The following ADIPOQ variants were observed in gnomAD, a reference collection of about 807,000 sequenced individuals.
ADIPOQ encodes adiponectin.
ADIPOQ carries 19 observed loss-of-function variants against 16.1 expected under a neutral mutation model. The observed-to-expected ratio is 1.18, with a 90% confidence interval of 0.82 to 1.73. ADIPOQ has a LOEUF of 1.73. Ranked by LOEUF, ADIPOQ falls within the 40% of genes most tolerant of loss-of-function variation. ADIPOQ has a pLI of 0.00. For synonymous variants in ADIPOQ, 124 were observed against 125.5 expected (o/e 0.99, Z 0.08); for missense variants, 323 against 308.3 (o/e 1.05, Z -0.36).
rs11377702 is a variant in ADIPOQ at position 186,855,459 on chromosome 3, C to CT, written c.*768dup. On this transcript the variant is annotated 3_prime_UTR_variant, in exon 3 of 3. Transcript: ENST00000320741. Reference sequence around the variant, plus strand: ...AGGAGCTTCTCTGATGTGATATCCACTTTTTTTTTTTTTGAGATGGAGTCT... The same window carrying CT: ...AGGAGCTTCTCTGATGTGATATCCACTTTTTTTTTTTTTTGAGATGGAGTCT... 0.95 allele frequency: 137,041 copies of CT among 144,584 alleles called. 65,252 individuals are homozygous for CT. The highest frequency in any genetic ancestry group is 1 in the South Asian group (4,496 of 4,512). The allele number at this position is 144,584 out of a possible 1,614,324, so 9.0% of individuals were successfully genotyped here. A position where few individuals can be genotyped will look rare whatever the true frequency, so the allele number is the denominator to read the frequency against.
chr3:186,848,293 GGAAGGAAGGAAA>G lies in ADIPOQ; in HGVS notation c.-8-4746_-8-4735del, dbSNP rs779360819. Among the ~76,000 whole-genome samples, 136 of 119,678 alleles carry G rather than the reference GGAAGGAAGGAAA, an allele frequency of 1.1e-3. 1 individual carries two copies. The highest frequency in any genetic ancestry group is 3.2e-3 in the South Asian group (11 of 3,450). The allele number at this position is 119,678 out of a possible 152,430, so 78.5% of individuals were successfully genotyped here. On this transcript the variant is annotated intron_variant, in intron 1 of 2. Coordinates refer to ENST00000320741, the MANE Select transcript of ADIPOQ (RefSeq NM_004797.4). ...AGGAAAGAAGGAAGGAAGGAAAGAAGGAAGGAAGGAAAGAAGGAAGGAAGGAAGGAAGGGTAA... is the reference window on the plus strand; with the variant it reads ...AGGAAAGAAGGAAGGAAGGAAAGAAGGAAGGAAGGAAGGAAGGAAGGGTAA...
chr3:186,853,183 G>A lies in ADIPOQ; in HGVS notation c.125G>A (p.Gly42Asp). The change falls in exon 2 of 3, where the codon GGC (glycine) becomes GAC (aspartate). Residue 42 changes from glycine (G) to aspartate (D), a missense_variant. Transcript: ENST00000320741. ...GGGGCCTGCACAGGTTGGATGGCGG[G>A]CATCCCAGGGCATCCGGGCCATAAT... ...PKGACTGWMA[G>D]IPGHPGHNGA... The A allele has an allele frequency of 6.2e-7, 1 of 1,614,022 alleles. No individual in the cohort carries two copies. The highest frequency in any genetic ancestry group is 8.5e-7 in the Non-Finnish European group (1 of 1,179,948).
intron 1 of ADIPOQ, among the ~76,000 whole-genome samples, chr3:186,851,403 G>T (rs36219760): frequency 1.3e-5 from 2 of 151,982 alleles, no homozygotes; most frequent in African/African-American, 4.8e-5. Flanking sequence ...AGCAATCTGA[G>T]GTGGAGGCCT....
chr3:186,850,952 A>G (rs1711745107), intron 1 of ADIPOQ, among the ~76,000 whole-genome samples: 1 of 152,032 alleles, frequency 6.6e-6, no homozygotes, highest in African/African-American at 2.4e-5. Context: ...TTTATCTCAT[A>G]TATATGATAA....
In ADIPOQ at chr3:186,857,760, T is replaced by C. The variant is rs200530239; in HGVS notation, c.*3056T>C. On this transcript the variant is annotated 3_prime_UTR_variant, in exon 3 of 3. Coordinates refer to ENST00000320741, the MANE Select transcript of ADIPOQ (RefSeq NM_004797.4). ...TATTTTAGCGCTCTATTATTAGATA[T>C]ATACATGTTTAGTATTATGTCTTAT... The C allele has an allele frequency of 2.1e-4, 32 of 152,350 alleles. No homozygotes were observed. Among genetic ancestry groups the C allele is most frequent in the African/African-American group, 6.0e-4 (25 of 41,592 alleles). The allele number at this position is 152,350 out of a possible 1,614,324, so 9.4% of individuals were successfully genotyped here. A position where few individuals can be genotyped will look rare whatever the true frequency, so the allele number is the denominator to read the frequency against.
intron 1 of ADIPOQ, among the ~76,000 whole-genome samples, chr3:186,845,111 G>T (rs897287341): frequency 7.3e-5 from 11 of 151,478 alleles, no homozygotes; most frequent in African/African-American, 2.4e-4. Context: ...TATGTGTGGG[G>T]GGGGGTGGTG....
In ADIPOQ at chr3:186,855,537, C is replaced by T. The variant is rs1470431924; in HGVS notation, c.*833C>T. 1 of 152,172 alleles carries T rather than the reference C, an allele frequency of 6.6e-6. No individual in the cohort carries two copies. The highest frequency in any genetic ancestry group is 1.9e-4 in the East Asian group (1 of 5,190). The allele number at this position is 152,172 out of a possible 1,614,324, so 9.4% of individuals were successfully genotyped here. The stretch of plus-strand genomic sequence containing the variant: ...TGACACGACCTCGGCTCACTGCAGC[C>T]TCCTTCTCCTGGGTCCAAGCAATTA... On this transcript the variant is annotated 3_prime_UTR_variant, in exon 3 of 3. Transcript: ENST00000320741.
intron 1 of ADIPOQ, among the ~76,000 whole-genome samples, chr3:186,849,935 A>G (rs930653544): frequency 6.6e-6 from 1 of 152,184 alleles, no homozygotes; most frequent in African/African-American, 2.4e-5. Context: ...AGAAAATTGA[A>G]TACTTACTAA....
At chr3:186,854,007 G>T in intron 2 of ADIPOQ, 177 bp from the exon 3 acceptor site, 1 of 636,430 alleles carries the variant, frequency 1.6e-6, no homozygotes, top group African/African-American at 1.8e-5. Context: ...CTCCATGTCT[G>T]TGGGAGATAT....
intron 1 of ADIPOQ, among the ~76,000 whole-genome samples, chr3:186,845,330 T>C (rs1209385327): frequency 6.6e-6 from 1 of 152,166 alleles, no homozygotes; most frequent in Non-Finnish European, 1.5e-5. Context: ...GGTTGCACCG[T>C]GTGAAACTGC....
Position 186,857,907 on chromosome 3 carries a change from T to G in ADIPOQ, c.*3203T>G, listed in dbSNP as rs912609643. The G allele has an allele frequency of 6.6e-6, 1 of 151,714 alleles. No homozygotes were observed. The highest frequency in any genetic ancestry group is 2.4e-5 in the African/African-American group (1 of 41,364). The allele number at this position is 151,714 out of a possible 1,614,324, so 9.4% of individuals were successfully genotyped here. On this transcript the variant is annotated 3_prime_UTR_variant, in exon 3 of 3. Transcript: ENST00000320741. ...ACTCAACTTCCTTTTCTTTCTTCCTTCCTTTCTTTCTTCCTTCCTTTCTTT... is the reference window on the plus strand; with the variant it reads ...ACTCAACTTCCTTTTCTTTCTTCCTGCCTTTCTTTCTTCCTTCCTTTCTTT...
At chr3:186,846,102 G>T (rs771258101) in intron 1 of ADIPOQ, among the ~76,000 whole-genome samples, 26 of 152,064 alleles carry the variant, frequency 1.7e-4, no homozygotes, top group Non-Finnish European at 3.2e-4. Context: ...TAAATAACGT[G>T]TAAAATCTAG....
At position 186,858,326 on chromosome 3, in the gene ADIPOQ, A is replaced by G. The variant is rs1489516460; in HGVS notation, c.*3622A>G. 6.7e-6 allele frequency: 1 copy of G among 148,306 alleles called. No individual in the cohort carries two copies. Among genetic ancestry groups the G allele is most frequent in the African/African-American group, 2.4e-5 (1 of 41,206 alleles). The allele number at this position is 148,306 out of a possible 1,614,324, so 9.2% of individuals were successfully genotyped here. On this transcript the variant is annotated 3_prime_UTR_variant, in exon 3 of 3. Transcript: ENST00000320741. Reference sequence around the variant, plus strand: ...ATCTTTTTCCATCATGTTACTTTAAATATATCTATATTATTGTATTTAAAA... The same window carrying G: ...ATCTTTTTCCATCATGTTACTTTAAGTATATCTATATTATTGTATTTAAAA...
At chr3:186,848,301 GGAAA>G (rs567132024) in intron 1 of ADIPOQ, among the ~76,000 whole-genome samples, 4 of 102,816 alleles carry the variant, frequency 3.9e-5, no homozygotes, top group Middle Eastern at 4.7e-3. Context: ...AAGGAAGGAA[GGAAA>G]GAAGGAAGGA....
chr3:186,843,600 C>A (rs1331063282), intron 1 of ADIPOQ, among the ~76,000 whole-genome samples: 6 of 145,042 alleles, frequency 4.1e-5, no homozygotes, highest in South Asian at 2.2e-4. Flanking sequence ...GCAGAGGTTG[C>A]AGTGAGCCGA....
chr3:186,853,271 A>G lies in ADIPOQ; in HGVS notation c.213A>G (p.Pro71=). ...TPGEKGEKGD[P]GLIGPKGDIG... The stretch of plus-strand genomic sequence containing the variant: ...GTGAGAAGGGTGAGAAAGGAGATCC[A>G]GGTAAGAATGTTTCTGGCCTCTTTC... Residue 71 remains proline, a splice_region_variant and synonymous_variant, in exon 2 of 3, where the codon CCA becomes CCG. Coordinates refer to ENST00000320741, the MANE Select transcript of ADIPOQ (RefSeq NM_004797.4). 6.3e-7 allele frequency: 1 copy of G among 1,593,122 alleles called. No homozygotes were observed. The highest frequency in any genetic ancestry group is 8.6e-7 in the Non-Finnish European group (1 of 1,169,308).
rs1366182460 is a variant in ADIPOQ at position 186,856,278 on chromosome 3, G to A, written c.*1574G>A. The A allele has an allele frequency of 6.6e-6, 1 of 152,196 alleles. No homozygotes were observed. The highest frequency in any genetic ancestry group is 1.5e-5 in the Non-Finnish European group (1 of 68,040). The allele number at this position is 152,196 out of a possible 1,614,324, so 9.4% of individuals were successfully genotyped here. Reference sequence around the variant, plus strand: ...ATTCTCTCAGGAGACAATAACTCCAGTGATGTTCTTCAAAGATTTTAGCAA... The same window carrying A: ...ATTCTCTCAGGAGACAATAACTCCAATGATGTTCTTCAAAGATTTTAGCAA... On this transcript the variant is annotated 3_prime_UTR_variant, in exon 3 of 3. Coordinates refer to ENST00000320741, the MANE Select transcript of ADIPOQ (RefSeq NM_004797.4).
At chr3:186,843,824 G>A (rs1024535221) in intron 1 of ADIPOQ, among the ~76,000 whole-genome samples, 2 of 152,124 alleles carry the variant, frequency 1.3e-5, no homozygotes, top group South Asian at 2.1e-4. Context: ...AATCCTGCTC[G>A]CCCCAGTGAG....
Position 186,854,316 on chromosome 3 carries a change from G to T in ADIPOQ, c.347G>T (p.Ser116Ile), listed in dbSNP as rs746715860. The change falls in exon 3 of 3, where the codon AGT becomes ATT. Residue 116 changes from serine (S) to isoleucine (I), a missense_variant. Ser to Ile is a moderately radical substitution (Grantham distance 142, BLOSUM62 -2). Coordinates refer to ENST00000320741, the MANE Select transcript of ADIPOQ (RefSeq NM_004797.4). ...GCCTATGTATACCGCTCAGCATTCA[G>T]TGTGGGATTGGAGACTTACGTTACT... ...EGAYVYRSAF[S>I]VGLETYVTIP... 1 of 1,614,234 alleles carries T rather than the reference G, an allele frequency of 6.2e-7. No individual in the cohort carries two copies. The highest frequency in any genetic ancestry group is 8.5e-7 in the Non-Finnish European group (1 of 1,180,042).
Sources: gnomAD v4.1 joint callset for allele counts (sites outside exome capture counted in the v4.1 genomes callset) on GRCh38, gnomAD v4.1.1 for gene constraint, MANE v1.5 for transcripts, NCBI Gene and HGNC (gene_info 2026-07-23, HGNC 2026-07-21) for gene names.